NRL: variants seen among roughly 807,000 people sequenced by gnomAD.
NRL encodes the protein neural retina leucine zipper.
Under a neutral mutation model 12.5 loss-of-function variants are expected in NRL, and 16 were observed. That is an observed-to-expected ratio of 1.28 (90% CI 0.87 to 1.95). NRL has a LOEUF of 1.95. Ranked by LOEUF, NRL falls within the 30% of genes most tolerant of loss-of-function variation. The probability of loss-of-function intolerance (pLI) is 0.00; values close to 1 mark genes in which losing one functional copy is unlikely to be tolerated. For missense variants in NRL, 314 were observed against 325.8 expected (o/e 0.96, Z 0.28); for synonymous variants, 142 against 150.9 (o/e 0.94, Z 0.43).
chr14:24,082,790 T>G lies in NRL; in HGVS notation c.59A>C (p.Lys20Thr), dbSNP rs763597267. 1 of 1,614,140 alleles carries G rather than the reference T, an allele frequency of 6.2e-7. No individual in the cohort carries two copies. The highest frequency in any genetic ancestry group is 8.5e-7 in the Non-Finnish European group (1 of 1,180,006). ...AGAGGGTTCCCGCTTTACCTCAAACTTCATCAAGTCAAAGTCATTGACATA... is the reference window on the plus strand; with the variant it reads ...AGAGGGTTCCCGCTTTACCTCAAACGTCATCAAGTCAAAGTCATTGACATA... ...MEYVNDFDLM[K>T]FEVKREPSEG... The change falls in exon 2 of 3, where the codon AAG becomes ACG. Residue 20 changes from lysine (K) to threonine (T), a missense_variant. Lys to Thr is a moderately conservative substitution (Grantham distance 78). Coordinates refer to ENST00000561028, the MANE Select transcript of NRL (RefSeq NM_001354768.3).
At position 24,098,548 on chromosome 14, in the gene NRL, C is replaced by T. The variant is rs750837678; in HGVS notation, c.-27-15673G>A. On this transcript the variant is annotated intron_variant, in intron 1 of 2. Transcript: ENST00000561028. ...CGCTGTCCCGCATCGGGGTGCAGCT[C>T]ACTGACTCAGCCTATGTGGTGGCAA... 1.2e-6 allele frequency: 2 copies of T among 1,614,202 alleles called. 1 individual carries two copies. The highest frequency in any genetic ancestry group is 2.2e-5 in the South Asian group (2 of 91,090).
intron 1 of NRL, chr14:24,099,928 C>G (rs773126920): frequency 1.2e-6 from 2 of 1,613,520 alleles, no homozygotes; most frequent in African/African-American, 2.7e-5. Flanking sequence ...TGGAGCAGGA[C>G]CTTCTTTGGT....
In NRL at chr14:24,079,018, C is replaced by T. The variant is rs964184879; in HGVS notation, c.*2218G>A. Among the ~76,000 whole-genome samples, 1 of 152,298 alleles carries T rather than the reference C, an allele frequency of 6.6e-6. No homozygotes were observed. The highest frequency in any genetic ancestry group is 6.5e-5 in the Admixed American group (1 of 15,300). On this transcript the variant is annotated 3_prime_UTR_variant, in exon 3 of 3. Coordinates refer to ENST00000561028, the MANE Select transcript of NRL (RefSeq NM_001354768.3). ...CAGGGTTCTCGCTATGTTGCCCAGG[C>T]TGGTCTCAAACTTCCTCCTTGGCCT... is the stretch of plus-strand genomic sequence containing the variant.
At chr14:24,093,977 C>T (rs992456720) in intron 1 of NRL, 4 of 501,574 alleles carry the variant, frequency 8.0e-6, no homozygotes, top group Non-Finnish European at 1.0e-5. Flanking sequence ...CTGGCCTCGC[C>T]CCTCGTTCCT....
rs1344317675 is a variant in NRL, at chr14:24,079,731, G to A, written c.*1505C>T. On this transcript the variant is annotated 3_prime_UTR_variant, in exon 3 of 3. Coordinates refer to ENST00000561028, the MANE Select transcript of NRL (RefSeq NM_001354768.3). ...AAGCTTCTCCCATTTATTATGTCCG[G>A]TAGAGGACAGATGACAGTAACTCGT... Among the ~76,000 whole-genome samples the A allele has an allele frequency of 6.6e-6, 1 of 152,204 alleles. No homozygotes were observed. The highest frequency in any genetic ancestry group is 2.1e-4 in the South Asian group (1 of 4,830).
chr14:24,103,623 C>T (rs762288607), intron 1 of NRL: 13 of 1,613,810 alleles, frequency 8.1e-6, no homozygotes, highest in South Asian at 1.1e-5. Context: ...CCAGCTGCCC[C>T]GTATCTTCCA....
intron 1 of NRL, chr14:24,102,659 A>C: frequency 8.6e-7 from 1 of 1,163,760 alleles, no homozygotes; most frequent in Non-Finnish European, 1.2e-6. Context: ...GGCAAAAAAA[A>C]AAAAAGAACC....
In NRL at chr14:24,081,023, G is replaced by C. The variant is rs79489503; in HGVS notation, c.*213C>G. Reference sequence around the variant, plus strand: ...TCATGTGGGCTGGGTTTCTGTGTTCGTAAGGGGAGGGGACCCCTCTCCAGA... The same window carrying C: ...TCATGTGGGCTGGGTTTCTGTGTTCCTAAGGGGAGGGGACCCCTCTCCAGA... On this transcript the variant is annotated 3_prime_UTR_variant, in exon 3 of 3. Coordinates refer to ENST00000561028, the MANE Select transcript of NRL (RefSeq NM_001354768.3). This position sits in a 1 kb window ranked among gnomAD's most constrained non-coding sequence, Gnocchi z 4.4. The C allele has an allele frequency of 5.0e-6, 2 of 397,838 alleles. No individual in the cohort carries two copies. The highest frequency in any genetic ancestry group is 4.2e-5 in the African/African-American group (2 of 47,972). The allele number at this position is 397,838 out of a possible 1,614,324, so 24.6% of individuals were successfully genotyped here.
intron 1 of NRL, chr14:24,114,213 G>A (rs917963462): frequency 1.3e-5 from 2 of 152,272 alleles, no homozygotes; most frequent in African/African-American, 2.4e-5. Flanking sequence ...CGTGTATTAG[G>A]GAACGTCTGC....
rs2139005647 is a variant in NRL, at chr14:24,114,888, C to T, written c.-194G>A. 1 of 985,940 alleles carries T rather than the reference C, an allele frequency of 1.0e-6. No homozygotes were observed. The allele number at this position is 985,940 out of a possible 1,614,324, so 61.1% of individuals were successfully genotyped here. On this transcript the variant is annotated 5_prime_UTR_variant, in exon 1 of 3. Transcript: ENST00000561028. The stretch of plus-strand genomic sequence containing the variant: ...TGGCGGCAGTCGGTGTAAACAAGGC[C>T]TCGCGCCGCTGCGGGTCCTGCGACC...
At position 24,081,203 on chromosome 14, in the gene NRL, GC is replaced by G; in HGVS notation, c.*32del. ...CTCCTGGGCGGAGCCACCCCACCCA[GC>G]CCCCACTACACCACAAGGTGCTCTG... On this transcript the variant is annotated 3_prime_UTR_variant, in exon 3 of 3. Transcript: ENST00000561028. This position sits in a 1 kb window ranked among gnomAD's most constrained non-coding sequence, Gnocchi z 4.4. 2 of 1,380,482 alleles carry G rather than the reference GC, an allele frequency of 1.4e-6. No homozygotes were observed. The highest frequency in any genetic ancestry group is 1.9e-6 in the Non-Finnish European group (2 of 1,052,786). 85.5% of individuals were successfully genotyped at this position (1,380,482 alleles called of 1,614,324 possible). A position where few individuals can be genotyped will look rare whatever the true frequency, so the allele number is the denominator to read the frequency against.
chr14:24,087,490 G>T (rs1054255082), intron 1 of NRL, among the ~76,000 whole-genome samples: 3 of 151,662 alleles, frequency 2.0e-5, no homozygotes, highest in African/African-American at 7.3e-5. Flanking sequence ...AAATGAGACA[G>T]TCAGCATTCC....
intron 1 of NRL, among the ~76,000 whole-genome samples, chr14:24,104,303 C>G (rs533719341): frequency 7.9e-5 from 12 of 151,628 alleles, no homozygotes; most frequent in African/African-American, 2.9e-4. Context: ...GGAGAAGGCA[C>G]TATCCACTCT....
Position 24,082,507 on chromosome 14 carries a change from G to A in NRL, c.342C>T (p.Tyr114=). ...CTCCTGTCTCCTCTGGGCTCCCTGGGTAGTAGCCATGGGGCCCATCAACAG... is the reference window on the plus strand; with the variant it reads ...CTCCTGTCTCCTCTGGGCTCCCTGGATAGTAGCCATGGGGCCCATCAACAG... ...PVPVDGPHGY[Y]PGSPEETGAQ... Residue 114 remains tyrosine, a synonymous_variant, in exon 2 of 3, where the codon TAC becomes TAT. Transcript: ENST00000561028. 2 of 1,613,146 alleles carry A rather than the reference G, an allele frequency of 1.2e-6. No individual in the cohort carries two copies. Among genetic ancestry groups the A allele is most frequent in the Non-Finnish European group, 1.7e-6 (2 of 1,180,020 alleles).
chr14:24,089,196 C>T (rs748426093), intron 1 of NRL, among the ~76,000 whole-genome samples: 7 of 152,080 alleles, frequency 4.6e-5, no homozygotes, highest in Non-Finnish European at 8.8e-5. Context: ...CTCAGCCTCC[C>T]AAAGCGCTGG....
rs1045086504 is a variant in NRL, at chr14:24,096,895, T to C, written c.-27-14020A>G. 3 of 1,612,532 alleles carry C rather than the reference T, an allele frequency of 1.9e-6. No individual in the cohort carries two copies. The African/African-American group carries it at 4.0e-5, about 22-fold the overall frequency. On this transcript the variant is annotated intron_variant, in intron 1 of 2. Coordinates refer to ENST00000561028, the MANE Select transcript of NRL (RefSeq NM_001354768.3). ...ATTGCCTCTGTTTCTCCTATAGGCT[T>C]AACTGGCATGGGCTGAGCCCCTTGG...
At chr14:24,091,439 C>T (rs2036629483) in intron 1 of NRL, among the ~76,000 whole-genome samples, 1 of 151,892 alleles carries the variant, frequency 6.6e-6, no homozygotes, top group South Asian at 2.1e-4. Flanking sequence ...GAGTTCAGTA[C>T]GTAGGAGAAA....
In NRL at chr14:24,078,692, C is replaced by T. The variant is rs2036191892; in HGVS notation, c.*2544G>A. 6.6e-6 allele frequency among the ~76,000 whole-genome samples: 1 copy of T among 152,184 alleles called. No homozygotes were observed. Among genetic ancestry groups the T allele is most frequent in the South Asian group, 2.1e-4 (1 of 4,830 alleles). On this transcript the variant is annotated 3_prime_UTR_variant, in exon 3 of 3. Transcript: ENST00000561028. The stretch of plus-strand genomic sequence containing the variant: ...TTACGTAGCATGTGTCAACTTTATG[C>T]TAAGTGCTTATTTAAATGCATTTAT...
chr14:24,098,241 T>A (rs2036984638), intron 1 of NRL: 2 of 1,613,344 alleles, frequency 1.2e-6, no homozygotes, highest in East Asian at 4.5e-5. Context: ...GTGGCACGAG[T>A]AGAGAGCAAG....
Sources: gnomAD v4.1 joint callset for allele counts (sites outside exome capture counted in the v4.1 genomes callset) on GRCh38, gnomAD v4.1.1 for gene constraint, Gnocchi (gnomAD v3.1) non-coding constraint, MANE v1.5 for transcripts, NCBI Gene and HGNC (gene_info 2026-07-23, HGNC 2026-07-21) for gene names.